Variants in FGD3 observed in about 807,000 individuals in gnomAD.
The protein encoded by FGD3 is FYVE, RhoGEF and PH domain containing 3.
Under a neutral mutation model 71.8 loss-of-function variants are expected in FGD3, and 45 were observed. That is an observed-to-expected ratio of 0.63 (90% confidence interval 0.49 to 0.80). The LOEUF (loss-of-function observed/expected upper bound fraction) is 0.80, where lower values mean the gene tolerates loss of function less well. FGD3 is among the 30% of genes least tolerant of loss of function. FGD3 has a pLI of 0.00. For synonymous variants in FGD3, 378 were observed against 392.8 expected (o/e 0.96, Z 0.44); for missense variants, 844 against 951.5 (o/e 0.89, Z 1.49).
chr9:92,953,384 G>A (rs544714231), intron 1 of FGD3, among the ~76,000 whole-genome samples: 1 of 152,192 alleles, frequency 6.6e-6, no homozygotes, highest in Non-Finnish European at 1.5e-5. Flanking sequence ...TGAGTGGAAA[G>A]CTCTCAAAAT....
At chr9:92,951,134 C>T (rs977712178) in intron 1 of FGD3, among the ~76,000 whole-genome samples, 2 of 152,080 alleles carry the variant, frequency 1.3e-5, no homozygotes, top group Admixed American at 6.6e-5. Flanking sequence ...GAATTCCAAC[C>T]GGCCTTTAAG....
intron 1 of FGD3, among the ~76,000 whole-genome samples, chr9:92,973,999 C>A (rs1859630442): frequency 6.6e-6 from 1 of 152,244 alleles, no homozygotes; most frequent in Admixed American, 6.5e-5. Flanking sequence ...TGAGCTGGGG[C>A]AATAGGAGGG....
At chr9:92,991,797 A>G (rs1032757735) in intron 3 of FGD3, among the ~76,000 whole-genome samples, 2 of 152,084 alleles carry the variant, frequency 1.3e-5, no homozygotes, top group African/African-American at 4.8e-5. Flanking sequence ...TTCCCTTTAT[A>G]TTTAATAATA....
chr9:92,963,185 T>C (rs1859205611), intron 1 of FGD3, among the ~76,000 whole-genome samples: 1 of 152,168 alleles, frequency 6.6e-6, no homozygotes, highest in Admixed American at 6.5e-5. Context: ...CAGACGGGGA[T>C]AACCATACTT....
chr9:93,000,319 G>A (rs1323153809), intron 3 of FGD3, among the ~76,000 whole-genome samples: 1 of 152,038 alleles, frequency 6.6e-6, no homozygotes, highest in Non-Finnish European at 1.5e-5. Context: ...TGAATTCTAT[G>A]CACCAAAAGG....
intron 9 of FGD3, 84 bp downstream of exon 9, chr9:93,014,082 C>T (rs1021090894): frequency 4.7e-6 from 7 of 1,481,800 alleles, no homozygotes; most frequent in Non-Finnish European, 6.3e-6. Flanking sequence ...AGGGCTCTGG[C>T]TGCCCAAGGA....
At chr9:93,015,596 A>T in intron 9 of FGD3, 141 bp from the exon 10 acceptor site, 1 of 554,048 alleles carries the variant, frequency 1.8e-6, no homozygotes, top group Non-Finnish European at 3.2e-6. Context: ...AGTTAAAATT[A>T]CTGCACATAT....
chr9:93,021,502 C>T (rs560472116), intron 13 of FGD3, among the ~76,000 whole-genome samples: 27 of 152,254 alleles, frequency 1.8e-4, no homozygotes, highest in African/African-American at 6.3e-4. Flanking sequence ...CTGGACAAGG[C>T]ATAGGGGTTG....
At chr9:92,973,446 C>T (rs1026294963) in intron 1 of FGD3, among the ~76,000 whole-genome samples, 4 of 152,098 alleles carry the variant, frequency 2.6e-5, no homozygotes, top group African/African-American at 9.7e-5. Context: ...GGATGCCAGA[C>T]TATGGGAATT....
At chr9:92,976,879 A>AG (rs1385496384) in intron 3 of FGD3, among the ~76,000 whole-genome samples, 170 bp downstream of exon 3, 1 of 152,080 alleles carries the variant, frequency 6.6e-6, no homozygotes, top group East Asian at 1.9e-4. Context: ...GAAAAGCCTG[A>AG]GGGAAAAATC....
Position 92,969,118 on chromosome 9 carries a change from C to T in FGD3, c.-217-6120C>T, listed in dbSNP as rs1244061589. ...GCACTTACAGTATTGCCTGGATTCT[C>T]TATCACAGGGTAACCCACAAGGGAG... On this transcript the variant is annotated intron_variant, in intron 1 of 17. Coordinates refer to ENST00000375482, the MANE Select transcript of FGD3 (RefSeq NM_001083536.2). The surrounding 1 kb of genome is among the most constrained non-coding windows in gnomAD (Gnocchi z 4.5). 1.3e-5 allele frequency among the ~76,000 whole-genome samples: 2 copies of T among 152,248 alleles called. No individual in the cohort carries two copies. The highest frequency in any genetic ancestry group is 2.9e-5 in the Non-Finnish European group (2 of 68,042).
intron 1 of FGD3, among the ~76,000 whole-genome samples, chr9:92,966,271 C>T (rs1564142597): frequency 6.6e-6 from 1 of 152,140 alleles, no homozygotes; most frequent in South Asian, 2.1e-4. Flanking sequence ...GAAATGGGGG[C>T]AGCCACATCT....
intron 1 of FGD3, among the ~76,000 whole-genome samples, chr9:92,968,070 G>T (rs929626449): frequency 6.6e-6 from 1 of 152,132 alleles, no homozygotes; most frequent in Non-Finnish European, 1.5e-5. Flanking sequence ...TGACTAGATG[G>T]ACTCACATGG....
In FGD3 at chr9:93,013,781, G is replaced by C. The variant is rs1168400786; in HGVS notation, c.1036-71G>C. On this transcript the variant is annotated intron_variant, in intron 8 of 17. Transcript: ENST00000375482. ...ATTCTGGGCCACGGTTGCAGGGAAG[G>C]ACTCCGTGCATCTCTAGGTCACCAG... 7 of 1,579,502 alleles carry C rather than the reference G, an allele frequency of 4.4e-6. No homozygotes were observed. In the Admixed American group the frequency reaches 1.2e-4, roughly 28 times the overall value.
rs1351622206 is a variant in FGD3 at position 93,001,839 on chromosome 9, G to A, written c.454-1086G>A. 9.9e-5 allele frequency among the ~76,000 whole-genome samples: 15 copies of A among 152,190 alleles called. No homozygotes were observed. In the South Asian group the frequency reaches 2.9e-3, roughly 29 times the overall value. The stretch of plus-strand genomic sequence containing the variant: ...TGGCCTGCCACAATAGGGCCTTCAG[G>A]AGGTGATTAAGTAATGAAGTCAGAG... On this transcript the variant is annotated intron_variant, in intron 3 of 17. Transcript: ENST00000375482.
At chr9:92,975,039 C>T (rs1859672206) in intron 1 of FGD3, among the ~76,000 whole-genome samples, 199 bp from the exon 2 acceptor site, 1 of 152,224 alleles carries the variant, frequency 6.6e-6, no homozygotes, top group South Asian at 2.1e-4. Flanking sequence ...GCAGGCCCCA[C>T]CCTTTTGGAG....
At position 92,968,850 on chromosome 9, in the gene FGD3, C is replaced by G. The variant is rs146094375; in HGVS notation, c.-217-6388C>G. Among the ~76,000 whole-genome samples, 409 of 152,232 alleles carry G rather than the reference C, an allele frequency of 2.7e-3. 1 individual carries two copies. Among genetic ancestry groups the G allele is most frequent in the Non-Finnish European group, 4.7e-3 (320 of 68,012 alleles). On this transcript the variant is annotated intron_variant, in intron 1 of 17. Transcript: ENST00000375482. The stretch of plus-strand genomic sequence containing the variant: ...CTCCTGACCTCAGGTGGAGGTCTGC[C>G]AAAGTGCCTTAGCCTCCCAAAGTGC...
chr9:93,027,175 C>T (rs1439104975), intron 14 of FGD3, among the ~76,000 whole-genome samples: 1 of 152,226 alleles, frequency 6.6e-6, no homozygotes, highest in African/African-American at 2.4e-5. Flanking sequence ...CAGCCCTGCC[C>T]TTGGGCTCCT....
rs578160405 is a variant in FGD3 at position 93,020,794 on chromosome 9, A to G, written c.1494+370A>G. 2.7e-4 allele frequency among the ~76,000 whole-genome samples: 41 copies of G among 152,340 alleles called. No individual in the cohort carries two copies. The South Asian group carries it at 7.0e-3, about 26-fold the overall frequency. On this transcript the variant is annotated intron_variant, in intron 13 of 17. Transcript: ENST00000375482. The stretch of plus-strand genomic sequence containing the variant: ...AGTTCCGCGTTTGCCTTATTTGAAC[A>G]TGGTTTGAACAGTCGGCCACCTTTC...
Sources: allele counts gnomAD v4.1 joint callset (sites outside exome capture counted in the v4.1 genomes callset), GRCh38; gene constraint gnomAD v4.1.1; non-coding constraint Gnocchi (gnomAD v3.1); transcripts MANE v1.5; gene names NCBI Gene and HGNC (gene_info 2026-07-23, HGNC 2026-07-21).